Variants in CLK3 observed in about 807,000 individuals in gnomAD.
The protein encoded by CLK3 is CDC like kinase 3.
In CLK3, 24 loss-of-function variants were observed where a neutral mutation model predicts 65.2. The ratio of observed to expected loss-of-function variants is 0.37; its 90% CI spans 0.27 to 0.52. The LOEUF (loss-of-function observed/expected upper bound fraction) is 0.52. Ranked by LOEUF, CLK3 falls within the 20% of genes least tolerant of loss-of-function variation. The pLI, the probability that CLK3 is intolerant of heterozygous loss-of-function variation, is 0.92. For missense variants in CLK3, 506 were observed against 660.0 expected (o/e 0.77, Z 2.56); for synonymous variants, 252 against 240.8 (o/e 1.05, Z -0.43).
chr15:74,619,376 G>C, intron 2 of CLK3, 28 bp downstream of exon 2: 1 of 1,611,556 alleles, frequency 6.2e-7, no homozygotes, highest in Non-Finnish European at 8.5e-7. Context: ...AGGAGGGAAA[G>C]ACTCCTTCTG....
At chr15:74,615,407 GCA>G, upstream of CLK3, 1 of 1,243,526 alleles carries the variant, frequency 8.0e-7, no homozygotes, top group Non-Finnish European at 1.0e-6. Context: ...CCGAGCTCCG[GCA>G]CACAGACCTC....
intron 3 of CLK3, chr15:74,620,568 T>A (rs2062093888): frequency 2.6e-6 from 1 of 381,986 alleles, no homozygotes; most frequent in Non-Finnish European, 4.9e-6. Flanking sequence ...CCTAGTAGAG[T>A]GGCTGGTATG....
chr15:74,608,861 C>T (rs991336661), intron 1 of CLK3: 7 of 152,266 alleles, frequency 4.6e-5, no homozygotes, highest in Admixed American at 4.6e-4. Flanking sequence ...GCCATCTCAC[C>T]TACAGTGAGA....
At chr15:74,629,234 C>T in intron 12 of CLK3, 1 of 676,232 alleles carries the variant, frequency 1.5e-6, no homozygotes, top group East Asian at 2.8e-5. Flanking sequence ...CTACCCCTTC[C>T]CCATAGGGTG....
At chr15:74,623,990 G>C (rs912891853) in intron 5 of CLK3, 2 of 152,228 alleles carry the variant, frequency 1.3e-5, no homozygotes, top group Non-Finnish European at 1.5e-5. Context: ...CCTGCCCTGA[G>C]AATCTGGGAA....
intron 7 of CLK3, among the ~76,000 whole-genome samples, 171 bp downstream of exon 7, chr15:74,626,139 T>C (rs77968405): frequency 0.034 from 5,222 of 152,240 alleles, 128 homozygotes; most frequent in Middle Eastern, 0.12. Flanking sequence ...AATCTCAGTG[T>C]GAGGATGGAA....
Position 74,622,266 on chromosome 15 carries a change from G to C in CLK3, c.466+50G>C, listed in dbSNP as rs1314542500. On this transcript the variant is annotated intron_variant, in intron 4 of 12. Coordinates refer to ENST00000395066, the MANE Select transcript of CLK3 (RefSeq NM_001130028.2). This position sits in a 1 kb window ranked among gnomAD's most constrained non-coding sequence, Gnocchi z 4.6. ...TACCTCTCTACTTTCTACCCCCCTT[G>C]TTAGACGAGACCTCTCCTGCCTGGA... 1 of 1,556,152 alleles carries C rather than the reference G, an allele frequency of 6.4e-7. No individual in the cohort carries two copies. Among genetic ancestry groups the C allele is most frequent in the Non-Finnish European group, 8.8e-7 (1 of 1,134,260 alleles).
At position 74,630,174 on chromosome 15, in the gene CLK3, T is replaced by G; in HGVS notation, c.*291T>G. The G allele has an allele frequency of 2.9e-6, 1 of 346,878 alleles. No homozygotes were observed. 21.5% of individuals were successfully genotyped at this position (346,878 alleles called of 1,614,324 possible). Reference sequence around the variant, plus strand: ...TCCTTGCCTTCCCCTTACCTGACCTTATTAATAAAGTCTTTCTTAGCAGTT... The same window carrying G: ...TCCTTGCCTTCCCCTTACCTGACCTGATTAATAAAGTCTTTCTTAGCAGTT... On this transcript the variant is annotated 3_prime_UTR_variant, in exon 13 of 13. Transcript: ENST00000395066.
upstream of CLK3, chr15:74,614,703 G>A (rs2062033397): frequency 6.6e-6 from 1 of 152,192 alleles, no homozygotes; most frequent in Non-Finnish European, 1.5e-5. Flanking sequence ...CGCTTCAGGG[G>A]CGGGCCCAGA....
intron 7 of CLK3, 152 bp downstream of exon 7, chr15:74,626,120 T>C: frequency 1.1e-6 from 1 of 915,344 alleles, no homozygotes; most frequent in Non-Finnish European, 1.6e-6. Flanking sequence ...AGGCCTGTCT[T>C]TGGGTGGGAA....
In CLK3 at chr15:74,624,589, G is replaced by A. The variant is rs779678398; in HGVS notation, c.534-313G>A. ...AGGTTAGGTCACTGTGTGAGCTCTT[G>A]GACTGGCACTGGTTAAGCAGGATTG... On this transcript the variant is annotated intron_variant, in intron 5 of 12. Coordinates refer to ENST00000395066, the MANE Select transcript of CLK3 (RefSeq NM_001130028.2). This position sits in a 1 kb window ranked among gnomAD's most constrained non-coding sequence, Gnocchi z 4.2. The A allele has an allele frequency of 4.9e-5, 19 of 390,514 alleles. No homozygotes were observed. The highest frequency in any genetic ancestry group is 2.2e-4 in the Admixed American group (6 of 26,718). The allele number at this position is 390,514 out of a possible 1,614,324, so 24.2% of individuals were successfully genotyped here. A position where few individuals can be genotyped will look rare whatever the true frequency, so the allele number is the denominator to read the frequency against.
intron 12 of CLK3, chr15:74,629,313 C>A (rs2062173450): frequency 1.8e-6 from 1 of 555,880 alleles, no homozygotes; most frequent in Non-Finnish European, 3.3e-6. Flanking sequence ...CTGTCCCTCT[C>A]TCTCCTCGAA....
rs757648453 is a variant in CLK3, at chr15:74,627,473, C to T, written c.912+27C>T. 5 of 1,614,048 alleles carry T rather than the reference C, an allele frequency of 3.1e-6. No homozygotes were observed. The highest frequency in any genetic ancestry group is 1.7e-5 in the Admixed American group (1 of 60,010). ...TATTGGTGGGGGTAAGGGTGAGGCC[C>T]TGTTTCAGGGGTGGGTTACCCGCTG... On this transcript the variant is annotated intron_variant, in intron 8 of 12. Transcript: ENST00000395066. This position sits in a 1 kb window ranked among gnomAD's most constrained non-coding sequence, Gnocchi z 4.3.
At chr15:74,620,303 CG>C (rs754199835) in intron 3 of CLK3, 78 bp downstream of exon 3, 2 of 1,578,604 alleles carry the variant, frequency 1.3e-6, no homozygotes, top group South Asian at 2.3e-5. Context: ...CTGGCTGGTC[CG>C]GGTGAGTACT....
chr15:74,621,948 C>T lies in CLK3; in HGVS notation c.370-172C>T, dbSNP rs1332193845. On this transcript the variant is annotated intron_variant, in intron 3 of 12. Coordinates refer to ENST00000395066, the MANE Select transcript of CLK3 (RefSeq NM_001130028.2). This position sits in a 1 kb window ranked among gnomAD's most constrained non-coding sequence, Gnocchi z 4.8. Reference sequence around the variant, plus strand: ...GACGTGTCCCTTGCAATATCCCTATCGTTATATATGCTGTGTGCCTTATGA... The same window carrying T: ...GACGTGTCCCTTGCAATATCCCTATTGTTATATATGCTGTGTGCCTTATGA... The T allele has an allele frequency of 4.4e-6, 3 of 688,774 alleles. No homozygotes were observed. Among genetic ancestry groups the T allele is most frequent in the Non-Finnish European group, 5.3e-6 (2 of 374,828 alleles). The allele number at this position is 688,774 out of a possible 1,614,324, so 42.7% of individuals were successfully genotyped here.
chr15:74,629,412 C>G (rs988034826), intron 12 of CLK3: 4 of 539,076 alleles, frequency 7.4e-6, no homozygotes, highest in South Asian at 4.1e-5. Context: ...ATTTGGTGCT[C>G]GGACAAGTGA....
intron 12 of CLK3, 161 bp from the exon 13 acceptor site, chr15:74,629,546 A>G (rs2141555280): frequency 1.6e-6 from 1 of 613,320 alleles, no homozygotes; most frequent in Non-Finnish European, 2.9e-6. Context: ...GCATGAAAGG[A>G]AAGGAGCTGC....
chr15:74,623,701 A>T (rs1342450398), intron 5 of CLK3: 1 of 152,252 alleles, frequency 6.6e-6, no homozygotes, highest in Non-Finnish European at 1.5e-5. Context: ...CTCCTCTCTC[A>T]GGAGCTGGAG....
upstream of CLK3, among the ~76,000 whole-genome samples, chr15:74,611,513 C>T (rs996795314): frequency 2.6e-5 from 4 of 152,270 alleles, no homozygotes; most frequent in African/African-American, 9.6e-5. Context: ...GACGGCTTGC[C>T]AGCTCGGCCC....
Sources: gnomAD v4.1 joint callset for allele counts (sites outside exome capture counted in the v4.1 genomes callset) on GRCh38, gnomAD v4.1.1 for gene constraint, Gnocchi (gnomAD v3.1) non-coding constraint, MANE v1.5 for transcripts, NCBI Gene and HGNC (gene_info 2026-07-23, HGNC 2026-07-21) for gene names.